SH3GL2: variants seen among roughly 807,000 people sequenced by gnomAD.
SH3GL2 encodes the protein endophilin-A1.
SH3GL2 carries 24 observed loss-of-function variants against 46.0 expected under a neutral mutation model. The ratio of observed to expected loss-of-function variants is 0.52; its 90% CI spans 0.38 to 0.73. The LOEUF (loss-of-function observed/expected upper bound fraction) is 0.73, where lower values mean the gene tolerates loss of function less well. SH3GL2 is among the 30% of genes least tolerant of loss of function. SH3GL2 has a pLI of 0.00. For missense variants in SH3GL2, 413 were observed against 424.2 expected, an observed-to-expected ratio of 0.97 and a Z score of 0.23; for synonymous variants, 196 against 147.1, an observed-to-expected ratio of 1.33 and a Z score of -2.40.
rs879839711 is a variant in SH3GL2, at chr9:17,707,354, A to G, written c.46-39712A>G. 5.9e-5 allele frequency among the ~76,000 whole-genome samples: 9 copies of G among 151,956 alleles called. 1 individual carries two copies. The highest frequency in any genetic ancestry group is 5.9e-4 in the Admixed American group (9 of 15,214). ...TACAGAACACGGTTGTAATCTCACTAGCTATCTTCTAGGTGTGTTTAATTT... is the reference window on the plus strand; with the variant it reads ...TACAGAACACGGTTGTAATCTCACTGGCTATCTTCTAGGTGTGTTTAATTT... On this transcript the variant is annotated intron_variant, in intron 1 of 8. Transcript: ENST00000380607.
intron 1 of SH3GL2, among the ~76,000 whole-genome samples, chr9:17,599,230 A>G (rs1818626513): frequency 6.6e-6 from 1 of 152,216 alleles, no homozygotes; most frequent in South Asian, 2.1e-4. Flanking sequence ...CTTTCTAAAC[A>G]TAACATATCA....
At chr9:17,674,864 C>A (rs568774121) in intron 1 of SH3GL2, among the ~76,000 whole-genome samples, 3 of 152,140 alleles carry the variant, frequency 2.0e-5, no homozygotes, top group South Asian at 4.2e-4. Context: ...CTTTAGAGGC[C>A]CAGGCCCGGG....
chr9:17,630,710 C>G (rs1819401507), intron 1 of SH3GL2, among the ~76,000 whole-genome samples: 1 of 152,182 alleles, frequency 6.6e-6, no homozygotes, highest in African/African-American at 2.4e-5. Context: ...TGCTACCTAA[C>G]AGTTATTCTG....
chr9:17,612,776 G>T (rs1223143722), intron 1 of SH3GL2, among the ~76,000 whole-genome samples: 1 of 152,202 alleles, frequency 6.6e-6, no homozygotes, highest in Non-Finnish European at 1.5e-5. Context: ...ATCAATTTTG[G>T]AACGTTTTTA....
At chr9:17,763,215 C>T (rs1049426142) in intron 3 of SH3GL2, among the ~76,000 whole-genome samples, 1 of 152,092 alleles carries the variant, frequency 6.6e-6, no homozygotes, top group African/African-American at 2.4e-5. Context: ...AGTGGGAGCT[C>T]ATCAGTTTTC....
chr9:17,625,214 C>T (rs1203388019), intron 1 of SH3GL2, among the ~76,000 whole-genome samples: 1 of 152,064 alleles, frequency 6.6e-6, no homozygotes, highest in Admixed American at 6.5e-5. Context: ...TGTGAATGGG[C>T]AGGGGGAGGT....
At chr9:17,644,797 CTGTT>C (rs1394135895) in intron 1 of SH3GL2, among the ~76,000 whole-genome samples, 1 of 152,092 alleles carries the variant, frequency 6.6e-6, no homozygotes, top group Admixed American at 6.6e-5. Context: ...AATGTATCTT[CTGTT>C]TGTTTGGGGT....
intron 3 of SH3GL2, among the ~76,000 whole-genome samples, chr9:17,782,245 C>T (rs963358225): frequency 2.0e-5 from 3 of 151,966 alleles, no homozygotes; most frequent in East Asian, 1.9e-4. Context: ...GTGTGGGACT[C>T]GTGATTTGGT....
chr9:17,591,633 G>C (rs1450633396), intron 1 of SH3GL2, among the ~76,000 whole-genome samples: 1 of 152,208 alleles, frequency 6.6e-6, no homozygotes, highest in Non-Finnish European at 1.5e-5. Context: ...GTATTGTGTA[G>C]TGCTGAGAGC....
intron 1 of SH3GL2, among the ~76,000 whole-genome samples, chr9:17,738,986 G>A (rs577142729): frequency 6.6e-6 from 1 of 152,080 alleles, no homozygotes; most frequent in East Asian, 1.9e-4. Context: ...GTAGACTTGC[G>A]AAGTTGATGC....
chr9:17,603,623 G>A (rs187829290), intron 1 of SH3GL2, among the ~76,000 whole-genome samples: 15 of 152,242 alleles, frequency 9.9e-5, no homozygotes, highest in Admixed American at 8.5e-4. Flanking sequence ...CACTTTGGGA[G>A]GTCAAAGCCC....
At chr9:17,758,773 T>A (rs999217859) in intron 2 of SH3GL2, among the ~76,000 whole-genome samples, 1 of 111,368 alleles carries the variant, frequency 9.0e-6, no homozygotes, top group African/African-American at 3.2e-5. Context: ...TAGAACTTGC[T>A]CTGTAATGAT....
chr9:17,632,916 A>G (rs1432867265), intron 1 of SH3GL2, among the ~76,000 whole-genome samples: 1 of 152,180 alleles, frequency 6.6e-6, no homozygotes, highest in Non-Finnish European at 1.5e-5. Flanking sequence ...ATTACTTGAT[A>G]CTTATTGCTG....
chr9:17,765,812 G>C (rs1174320864), intron 3 of SH3GL2, among the ~76,000 whole-genome samples: 1 of 152,154 alleles, frequency 6.6e-6, no homozygotes, highest in Non-Finnish European at 1.5e-5. Flanking sequence ...CATGAGTTCA[G>C]CACTGTGCCT....
At chr9:17,667,191 G>A (rs139836722) in intron 1 of SH3GL2, among the ~76,000 whole-genome samples, 4 of 152,038 alleles carry the variant, frequency 2.6e-5, no homozygotes, top group African/African-American at 9.6e-5. Context: ...CTAGCTTGTC[G>A]TGTATTCTTT....
chr9:17,746,918 T>G (rs1282625887), intron 1 of SH3GL2, 148 bp from the exon 2 acceptor site: 1 of 600,418 alleles, frequency 1.7e-6, no homozygotes, highest in East Asian at 2.9e-5. Context: ...AGCCACAGTT[T>G]GCTGCTATAA....
At chr9:17,794,553 T>G (rs1824227345) in intron 8 of SH3GL2, among the ~76,000 whole-genome samples, 1 of 152,194 alleles carries the variant, frequency 6.6e-6, no homozygotes, top group African/African-American at 2.4e-5. Flanking sequence ...TATTTCACTT[T>G]TCATCTGGAG....
intron 1 of SH3GL2, among the ~76,000 whole-genome samples, chr9:17,669,623 T>C (rs1180156185): frequency 2.0e-5 from 3 of 152,192 alleles, no homozygotes; most frequent in Non-Finnish European, 2.9e-5. Context: ...TAGTAGTGTA[T>C]GGTATGGATG....
chr9:17,581,591 A>G (rs1425318642), intron 1 of SH3GL2, among the ~76,000 whole-genome samples: 1 of 152,212 alleles, frequency 6.6e-6, no homozygotes, highest in Non-Finnish European at 1.5e-5. Flanking sequence ...ATTTTTTTCC[A>G]TCAGGTCCGT....
Sources: allele counts gnomAD v4.1 joint callset (sites outside exome capture counted in the v4.1 genomes callset), GRCh38; gene constraint gnomAD v4.1.1; transcripts MANE v1.5; gene names NCBI Gene and HGNC (gene_info 2026-07-23, HGNC 2026-07-21).